GRK1: variants seen among roughly 807,000 people sequenced by gnomAD.
GRK1 encodes rhodopsin kinase GRK1.
In GRK1, 28 loss-of-function variants were observed where a neutral mutation model predicts 41.7. The ratio of observed to expected loss-of-function variants is 0.67; its 90% CI spans 0.50 to 0.92. The LOEUF is 0.92. Among genes scored for constraint, GRK1 ranks in the 40% least tolerant of loss-of-function variants. The pLI is 0.00. For missense variants in GRK1, 703 were observed against 671.2 expected (o/e 1.05, Z -0.52); for synonymous variants, 327 against 286.7 (o/e 1.14, Z -1.42).
rs2049853776 is a variant in GRK1 at position 113,671,090 on chromosome 13, G to C, written c.828-409G>C. The stretch of plus-strand genomic sequence containing the variant: ...GAAAACATAAGAGATGATGTTCTAT[G>C]GGGGAGGAAAGAGGCTGAGAAGAAA... On this transcript the variant is annotated intron_variant, in intron 2 of 6. Coordinates refer to ENST00000335678, the MANE Select transcript of GRK1 (RefSeq NM_002929.3). This position sits in a 1 kb window ranked among gnomAD's most constrained non-coding sequence, Gnocchi z 4.1. 6.6e-6 allele frequency among the ~76,000 whole-genome samples: 1 copy of C among 152,230 alleles called. No homozygotes were observed. Among genetic ancestry groups the C allele is most frequent in the Non-Finnish European group, 1.5e-5 (1 of 68,038 alleles).
chr13:113,733,810 CATACGTGTGT>C (rs2049968886), intron 6 of GRK1, among the ~76,000 whole-genome samples: 1 of 80,860 alleles, frequency 1.2e-5, no homozygotes, highest in Non-Finnish European at 2.5e-5. Context: ...TATCTGTGTG[CATACGTGTGT>C]GCGTGTGTGT....
chr13:113,664,229 A>T (rs1594568300), upstream of GRK1, among the ~76,000 whole-genome samples: 2 of 152,068 alleles, frequency 1.3e-5, no homozygotes, highest in South Asian at 4.2e-4. The surrounding 1 kb of genome is among the most constrained non-coding windows in gnomAD (Gnocchi z 5.4). Flanking sequence ...GGCTGGGGGA[A>T]CTTCGGTGCA....
At chr13:113,729,010 G>A (rs900309433) in intron 4 of GRK1, among the ~76,000 whole-genome samples, 3 of 152,208 alleles carry the variant, frequency 2.0e-5, no homozygotes, top group African/African-American at 7.2e-5. Flanking sequence ...TCTTCTCTGT[G>A]AGGAGCAGTT....
rs1566693037 is a variant in GRK1 at position 113,667,576 on chromosome 13, G to GAGCA, written c.191_194dup (p.Pro66AlafsTer32). The GAGCA allele has an allele frequency of 6.2e-7, 1 of 1,613,610 alleles. No individual in the cohort carries two copies. Among genetic ancestry groups the GAGCA allele is most frequent in the East Asian group, 2.2e-5 (1 of 44,880 alleles). On this transcript the variant is annotated frameshift_variant, in exon 1 of 7. Coordinates refer to ENST00000335678, the MANE Select transcript of GRK1 (RefSeq NM_002929.3). LOFTEE classifies it high-confidence loss of function. This position sits in a 1 kb window ranked among gnomAD's most constrained non-coding sequence, Gnocchi z 7.5. ...CCTGGAGTTTGAGAGTGTGTGCTTG[G>GAGCA]AGCAGCCCATCGGCAAGAAGCTCTT... is the stretch of plus-strand genomic sequence containing the variant.
chr13:113,672,191 G>A (rs1051664219), intron 3 of GRK1, among the ~76,000 whole-genome samples: 2 of 149,872 alleles, frequency 1.3e-5, no homozygotes, highest in Admixed American at 6.6e-5. Flanking sequence ...GGTTTGTGGG[G>A]TGTGTGTGTG....
At chr13:113,662,760 G>T (rs1204852433), upstream of GRK1, among the ~76,000 whole-genome samples, 1 of 152,182 alleles carries the variant, frequency 6.6e-6, no homozygotes, top group Admixed American at 6.5e-5. Flanking sequence ...GGACTTGCAT[G>T]CTGAAACCCA....
At chr13:113,727,599 A>G (rs1043426371) in intron 4 of GRK1, among the ~76,000 whole-genome samples, 2 of 149,384 alleles carry the variant, frequency 1.3e-5, no homozygotes, top group Non-Finnish European at 3.0e-5. Flanking sequence ...ACCCATGGCA[A>G]TGAGGAGTAC....
At chr13:113,733,203 C>G in intron 6 of GRK1, 118 bp downstream of exon 6, 1 of 1,000,198 alleles carries the variant, frequency 1.0e-6, no homozygotes, top group Admixed American at 2.6e-5. Context: ...ACCCCCAAGG[C>G]TCTCCCTCTG....
In GRK1 at chr13:113,667,870, T is replaced by C. The variant is rs1788059787; in HGVS notation, c.484T>C (p.Phe162Leu). 1 of 1,591,118 alleles carries C rather than the reference T, an allele frequency of 6.3e-7. No individual in the cohort carries two copies. The highest frequency in any genetic ancestry group is 1.8e-5 in the Admixed American group (1 of 57,142). The change falls in exon 1 of 7, where the codon TTC becomes CTC. Residue 162 changes from phenylalanine to leucine, a missense_variant. Transcript: ENST00000335678. The surrounding 1 kb of genome is among the most constrained non-coding windows in gnomAD (Gnocchi z 7.5). ...ATLAHLGQAP[F>L]QEYLGSLYFL... ...CCTGGCACACCTGGGCCAAGCCCCC[T>C]TCCAGGAGTACCTGGGCAGCCTGTA...
the GRK1 span, chr13:113,649,201 G>A: frequency 5.0e-6 from 3 of 599,976 alleles, no homozygotes; most frequent in Non-Finnish European, 8.2e-6. This position sits in a 1 kb window ranked among gnomAD's most constrained non-coding sequence, Gnocchi z 4.7. Flanking sequence ...TGATACTCGC[G>A]AGCAGGTCCT....
intron 6 of GRK1, chr13:113,734,765 G>A (rs2049990549): frequency 7.2e-6 from 2 of 276,832 alleles, no homozygotes; most frequent in Non-Finnish European, 1.3e-5. Flanking sequence ...CGAGACCCTA[G>A]GGGAGGCTCC....
At chr13:113,733,856 T>C (rs2049971124) in intron 6 of GRK1, among the ~76,000 whole-genome samples, 6 of 136,124 alleles carry the variant, frequency 4.4e-5, no homozygotes, top group East Asian at 4.2e-4. Context: ...TGTGTATGTG[T>C]GCATACGTGT....
chr13:113,731,762 C>T lies in GRK1; in HGVS notation c.1194+419C>T, dbSNP rs540252370. On this transcript the variant is annotated intron_variant, in intron 5 of 6. Coordinates refer to ENST00000335678, the MANE Select transcript of GRK1 (RefSeq NM_002929.3). This position sits in a 1 kb window ranked among gnomAD's most constrained non-coding sequence, Gnocchi z 5.6. ...CCACCTTTTGTGGTTTGGGGTGGAG[C>T]TTCATCCCCTGGGGACTGGCGAGGC... Among the ~76,000 whole-genome samples, 411 of 152,286 alleles carry T rather than the reference C, an allele frequency of 2.7e-3. No homozygotes were observed. Among genetic ancestry groups the T allele is most frequent in the African/African-American group, 8.2e-3 (340 of 41,574 alleles).
Position 113,731,172 on chromosome 13 carries a change from A to G in GRK1, c.1070-47A>G. 1 of 1,523,670 alleles carries G rather than the reference A, an allele frequency of 6.6e-7. No individual in the cohort carries two copies. Among genetic ancestry groups the G allele is most frequent in the South Asian group, 1.2e-5 (1 of 83,288 alleles). 94.4% of individuals were successfully genotyped at this position (1,523,670 alleles called of 1,614,324 possible). The stretch of plus-strand genomic sequence containing the variant: ...CCTGCGATTCCTGGAGTGCGTGCCC[A>G]CCATGGAGGTGACCACCTCTGAACC... On this transcript the variant is annotated intron_variant, in intron 4 of 6. Transcript: ENST00000335678. This position sits in a 1 kb window ranked among gnomAD's most constrained non-coding sequence, Gnocchi z 5.6.
At chr13:113,733,119 G>T (rs774807812) in intron 6 of GRK1, 34 bp downstream of exon 6, 1 of 1,521,422 alleles carries the variant, frequency 6.6e-7, no homozygotes, top group African/African-American at 1.4e-5. Flanking sequence ...GGAGAGGGTG[G>T]GGTTCTGTGC....
the GRK1 span, among the ~76,000 whole-genome samples, chr13:113,659,347 G>C: frequency 3.7e-3 from 561 of 152,312 alleles, 6 homozygotes; most frequent in Admixed American, 8.3e-3. Flanking sequence ...ATTCGAAGTC[G>C]ACTAGCCCTG....
chr13:113,733,203 C>A, intron 6 of GRK1, 118 bp downstream of exon 6: 1 of 1,000,190 alleles, frequency 1.0e-6, no homozygotes, highest in Non-Finnish European at 1.4e-6. Flanking sequence ...ACCCCCAAGG[C>A]TCTCCCTCTG....
upstream of GRK1, among the ~76,000 whole-genome samples, chr13:113,663,021 A>T (rs1195992569): frequency 6.6e-6 from 1 of 152,146 alleles, no homozygotes; most frequent in Non-Finnish European, 1.5e-5. Context: ...AGGGTTTTTT[A>T]AACATTTTTT....
upstream of GRK1, among the ~76,000 whole-genome samples, chr13:113,664,468 C>T (rs1028051347): frequency 5.3e-5 from 8 of 151,354 alleles, no homozygotes; most frequent in East Asian, 1.9e-4. The surrounding 1 kb of genome is among the most constrained non-coding windows in gnomAD (Gnocchi z 5.4). Context: ...ATTTGGGAAA[C>T]GACATACTTT....
Sources: gnomAD v4.1 joint callset for allele counts (sites outside exome capture counted in the v4.1 genomes callset) on GRCh38, gnomAD v4.1.1 for gene constraint, Gnocchi (gnomAD v3.1) non-coding constraint, MANE v1.5 for transcripts, NCBI Gene and HGNC (gene_info 2026-07-23, HGNC 2026-07-21) for gene names.